The following PARD3 variants were observed in gnomAD, a reference collection of about 807,000 sequenced individuals.
PARD3 encodes the protein par-3 family cell polarity regulator.
In PARD3, 75 loss-of-function variants were observed where a neutral mutation model predicts 155.4. The ratio of observed to expected loss-of-function variants is 0.48; its 90% CI spans 0.40 to 0.58. The LOEUF (loss-of-function observed/expected upper bound fraction) is 0.58, where lower values mean the gene tolerates loss of function less well. PARD3 is among the 20% of genes least tolerant of loss of function. The pLI, the probability that PARD3 is intolerant of heterozygous loss-of-function variation, is 0.00. For missense variants in PARD3, 1,642 were observed against 1,721.7 expected, an observed-to-expected ratio of 0.95 and a Z score of 0.82; for synonymous variants, 576 against 610.5, an observed-to-expected ratio of 0.94 and a Z score of 0.83.
intron 22 of PARD3, among the ~76,000 whole-genome samples, chr10:34,258,453 G>A (rs957267634): frequency 2.6e-5 from 4 of 152,156 alleles, no homozygotes; most frequent in Admixed American, 2.6e-4. Context: ...TTGTGATTGC[G>A]TTTGCTGAGA....
chr10:34,782,542 C>T (rs1042077537), intron 1 of PARD3, among the ~76,000 whole-genome samples: 1 of 152,242 alleles, frequency 6.6e-6, no homozygotes, highest in East Asian at 1.9e-4. Context: ...ATTTTAAGCA[C>T]TATCCACTCC....
intron 5 of PARD3, among the ~76,000 whole-genome samples, chr10:34,431,444 G>A (rs138104812): frequency 5.7e-4 from 86 of 152,168 alleles, no homozygotes; most frequent in East Asian, 1.7e-3. Flanking sequence ...AATTTGTGCC[G>A]GGTGTGGTAG....
chr10:34,353,712 T>C (rs993063364), intron 14 of PARD3, among the ~76,000 whole-genome samples: 15 of 101,946 alleles, frequency 1.5e-4, no homozygotes, highest in African/African-American at 9.9e-4. Context: ...GAATGATCAA[T>C]AAATAAATAA....
chr10:34,525,948 G>A (rs1678470273), intron 2 of PARD3, among the ~76,000 whole-genome samples: 1 of 151,686 alleles, frequency 6.6e-6, no homozygotes, highest in Non-Finnish European at 1.5e-5. Flanking sequence ...GGGCGTGGTG[G>A]CACACACCTG....
At chr10:34,303,621 TG>T (rs1006632085) in intron 20 of PARD3, among the ~76,000 whole-genome samples, 8 of 147,646 alleles carry the variant, frequency 5.4e-5, no homozygotes, top group Admixed American at 3.4e-4. Flanking sequence ...TTCGATAAGA[TG>T]TTTTTTTTTT....
intron 2 of PARD3, among the ~76,000 whole-genome samples, chr10:34,665,890 CAGAACAGAACAG>C: frequency 1.3e-5 from 2 of 148,664 alleles, no homozygotes; most frequent in South Asian, 4.2e-4. Context: ...CAGAACAGAA[CAGAACAGAACAG>C]AACAAAAAGA....
intron 22 of PARD3, among the ~76,000 whole-genome samples, chr10:34,191,054 T>C (rs1297895598): frequency 6.6e-6 from 1 of 151,866 alleles, no homozygotes; most frequent in East Asian, 1.9e-4. Context: ...CAGGAAATGT[T>C]ATGTGAGATT....
At chr10:34,325,773 T>C (rs535759317) in intron 19 of PARD3, among the ~76,000 whole-genome samples, 21 of 152,152 alleles carry the variant, frequency 1.4e-4, no homozygotes, top group African/African-American at 5.1e-4. Flanking sequence ...AAGATACGCA[T>C]TCTAAGATTC....
intron 1 of PARD3, among the ~76,000 whole-genome samples, chr10:34,755,990 T>C (rs1836663306): frequency 1.3e-5 from 2 of 151,948 alleles, no homozygotes; most frequent in African/African-American, 2.4e-5. Context: ...CCATGGTCCT[T>C]TACTCTAGTC....
In PARD3 at chr10:34,254,537, C is replaced by CGTGTGT. The variant is rs55901749; in HGVS notation, c.3419+15114_3419+15119dup. Among the ~76,000 whole-genome samples the CGTGTGT allele has an allele frequency of 9.5e-3, 1,381 of 145,570 alleles. 20 individuals are homozygous for CGTGTGT. Among genetic ancestry groups the CGTGTGT allele is most frequent in the African/African-American group, 0.028 (1,119 of 39,338 alleles). On this transcript the variant is annotated intron_variant, in intron 22 of 24. Coordinates refer to ENST00000374788, the MANE Select transcript of PARD3 (RefSeq NM_001184785.2). ...GAGTATTAACATCTAGGTAGGTAAA[C>CGTGTGT]GTGTGTGTGTGTGTGTGTGTGTGTG...
chr10:34,212,163 A>C (rs1244214764), intron 22 of PARD3, among the ~76,000 whole-genome samples: 1 of 152,128 alleles, frequency 6.6e-6, no homozygotes, highest in Non-Finnish European at 1.5e-5. Context: ...TGATGCTATC[A>C]GGTGATCCAT....
At chr10:34,287,403 T>C (rs1053736558) in intron 20 of PARD3, among the ~76,000 whole-genome samples, 2 of 152,224 alleles carry the variant, frequency 1.3e-5, no homozygotes, top group Admixed American at 6.5e-5. Flanking sequence ...TCCCAAAAGA[T>C]AGAAATACAA....
Position 34,111,077 on chromosome 10 carries a change from A to G in PARD3, c.*92T>C. 1 of 1,355,984 alleles carries G rather than the reference A, an allele frequency of 7.4e-7. No homozygotes were observed. 84.0% of individuals were successfully genotyped at this position (1,355,984 alleles called of 1,614,324 possible). On this transcript the variant is annotated 3_prime_UTR_variant, in exon 25 of 25. Transcript: ENST00000374788. ...ACCAACAACAGAAATACTCCATAGT[A>G]CCATCGAGGTTTTAAAAAAACTCCC... is the stretch of plus-strand genomic sequence containing the variant.
At chr10:34,704,932 C>T (rs1335778277) in intron 1 of PARD3, among the ~76,000 whole-genome samples, 1 of 152,018 alleles carries the variant, frequency 6.6e-6, no homozygotes, top group Admixed American at 6.6e-5. Context: ...TTTAAAAATG[C>T]CCCTCAGACT....
chr10:34,410,382 ATCAT>A (rs1278968251), intron 5 of PARD3, among the ~76,000 whole-genome samples: 1 of 152,036 alleles, frequency 6.6e-6, no homozygotes, highest in Non-Finnish European at 1.5e-5. Flanking sequence ...TTTTATTGCA[ATCAT>A]TAAAGAAACA....
At chr10:34,794,310 T>A (rs1182256219) in intron 1 of PARD3, among the ~76,000 whole-genome samples, 1 of 152,220 alleles carries the variant, frequency 6.6e-6, no homozygotes, top group East Asian at 1.9e-4. Context: ...ATGCCATACC[T>A]CTAAAACTTC....
At chr10:34,318,868 C>G (rs1003326977) in intron 19 of PARD3, among the ~76,000 whole-genome samples, 1 of 151,340 alleles carries the variant, frequency 6.6e-6, no homozygotes, top group Non-Finnish European at 1.5e-5. Flanking sequence ...TGGGTTCAAG[C>G]CATTCTCCTG....
chr10:34,203,586 A>G (rs1951321499), intron 22 of PARD3, among the ~76,000 whole-genome samples: 1 of 152,230 alleles, frequency 6.6e-6, no homozygotes, highest in African/African-American at 2.4e-5. Flanking sequence ...ACCTAATACA[A>G]TGCAAATGCT....
chr10:34,536,635 C>A (rs2083253751), intron 2 of PARD3, among the ~76,000 whole-genome samples: 1 of 152,180 alleles, frequency 6.6e-6, no homozygotes, highest in South Asian at 2.1e-4. Flanking sequence ...GTAGAAGGTC[C>A]TGAAAACATC....
Sources: allele counts gnomAD v4.1 joint callset (sites outside exome capture counted in the v4.1 genomes callset), GRCh38; gene constraint gnomAD v4.1.1; transcripts MANE v1.5; gene names NCBI Gene and HGNC (gene_info 2026-07-23, HGNC 2026-07-21).